The following PCDH7 variants were observed in gnomAD, a reference collection of about 807,000 sequenced individuals.
PCDH7 encodes protocadherin-7.
A neutral mutation model predicts 58.9 loss-of-function variants in PCDH7; 17 were observed. The observed-to-expected ratio is 0.29, with a 90% confidence interval of 0.20 to 0.43. The LOEUF (loss-of-function observed/expected upper bound fraction) is 0.43. Among genes scored for constraint, PCDH7 ranks in the 20% least tolerant of loss-of-function variants. The pLI, the probability that PCDH7 is intolerant of heterozygous loss-of-function variation, is 1.00. For synonymous variants in PCDH7, 664 were observed against 616.4 expected, an observed-to-expected ratio of 1.08 and a Z score of -1.14; for missense variants, 1,274 against 1,441.0, an observed-to-expected ratio of 0.88 and a Z score of 1.88.
chr4:30,821,928 A>G (rs1379249200), intron 1 of PCDH7, among the ~76,000 whole-genome samples: 1 of 152,194 alleles, frequency 6.6e-6, no homozygotes, highest in Non-Finnish European at 1.5e-5. Context: ...GGCACTATTC[A>G]GAACCTTCTG....
At chr4:30,741,396 G>A (rs906341540) in intron 1 of PCDH7, among the ~76,000 whole-genome samples, 6 of 151,072 alleles carry the variant, frequency 4.0e-5, no homozygotes, top group South Asian at 4.2e-4. Flanking sequence ...GTTTCGCCAC[G>A]TTACCCAGGT....
intron 1 of PCDH7, among the ~76,000 whole-genome samples, chr4:30,782,733 C>T (rs1453031100): frequency 1.3e-5 from 2 of 152,114 alleles, no homozygotes; most frequent in Non-Finnish European, 2.9e-5. Flanking sequence ...TATGATTGGA[C>T]AAAAGAGATG....
chr4:30,787,999 A>G (rs1723634159), intron 1 of PCDH7, among the ~76,000 whole-genome samples: 1 of 152,106 alleles, frequency 6.6e-6, no homozygotes, highest in South Asian at 2.1e-4. Flanking sequence ...TTAAATTAAG[A>G]TGATACCAAC....
intron 1 of PCDH7, among the ~76,000 whole-genome samples, chr4:30,799,430 A>G (rs1268655769): frequency 4.6e-5 from 7 of 152,230 alleles, no homozygotes; most frequent in South Asian, 2.1e-4. Flanking sequence ...CACATAACAC[A>G]TCTATGCAAA....
intron 1 of PCDH7, among the ~76,000 whole-genome samples, chr4:30,874,543 G>T (rs895832140): frequency 6.6e-6 from 1 of 151,360 alleles, no homozygotes; most frequent in African/African-American, 2.4e-5. Context: ...ACTGTTGTGG[G>T]GTGGGGGGTG....
intron 3 of PCDH7, among the ~76,000 whole-genome samples, chr4:31,078,308 G>A (rs1333801691): frequency 6.6e-6 from 1 of 152,014 alleles, no homozygotes; most frequent in Non-Finnish European, 1.5e-5. Flanking sequence ...TTTAGAGACA[G>A]GGTGTCGCTC....
chr4:30,800,165 A>T (rs1346338840), intron 1 of PCDH7, among the ~76,000 whole-genome samples: 3 of 151,950 alleles, frequency 2.0e-5, no homozygotes, highest in Non-Finnish European at 4.4e-5. Flanking sequence ...GCGTATGAAT[A>T]TAACTTCTAC....
chr4:31,000,368 TAG>T (rs1752264011), intron 3 of PCDH7, among the ~76,000 whole-genome samples: 1 of 152,140 alleles, frequency 6.6e-6, no homozygotes, highest in African/African-American at 2.4e-5. Flanking sequence ...CACAGACATC[TAG>T]TTTATATCTG....
intron 3 of PCDH7, among the ~76,000 whole-genome samples, chr4:31,020,816 G>A (rs981785741): frequency 3.3e-5 from 5 of 152,130 alleles, no homozygotes; most frequent in African/African-American, 1.2e-4. Context: ...GAGTAATGCA[G>A]GGCTGTATAT....
intron 3 of PCDH7, among the ~76,000 whole-genome samples, chr4:31,025,158 C>T (rs1430379971): frequency 2.6e-5 from 4 of 152,108 alleles, no homozygotes; most frequent in Admixed American, 1.3e-4. Flanking sequence ...TAATGAAACT[C>T]ACAATTCTGT....
chr4:31,025,940 A>G (rs977129323), intron 3 of PCDH7, among the ~76,000 whole-genome samples: 1 of 152,242 alleles, frequency 6.6e-6, no homozygotes, highest in Non-Finnish European at 1.5e-5. Context: ...AATGCTTAAC[A>G]TATAAGACTC....
chr4:30,906,063 C>T (rs1740881332), intron 1 of PCDH7, among the ~76,000 whole-genome samples: 1 of 152,124 alleles, frequency 6.6e-6, no homozygotes. Flanking sequence ...CATTTCTGTG[C>T]TTTCCGTTAA....
intron 3 of PCDH7, among the ~76,000 whole-genome samples, chr4:30,960,179 A>C: frequency 1.1e-5 from 1 of 92,650 alleles, no homozygotes; most frequent in Admixed American, 1.1e-4. Context: ...GGGAGGAAGA[A>C]AGATTTCCTA....
chr4:31,143,354 C>T (rs1720470003), downstream of PCDH7: 1 of 153,086 alleles, frequency 6.5e-6, no homozygotes, highest in African/African-American at 2.4e-5. Flanking sequence ...CAAAGGCAAT[C>T]CTTTGAAAGT....
chr4:30,922,437 T>C (rs969443832), intron 2 of PCDH7, among the ~76,000 whole-genome samples: 2 of 151,838 alleles, frequency 1.3e-5, no homozygotes, highest in African/African-American at 2.4e-5. Flanking sequence ...AATCATTTTT[T>C]AATGTTAGTT....
intron 1 of PCDH7, among the ~76,000 whole-genome samples, chr4:30,835,101 G>T (rs1730313036): frequency 9.9e-5 from 15 of 152,030 alleles, no homozygotes; most frequent in Admixed American, 9.8e-4. Flanking sequence ...ACATCTTCTG[G>T]GGTTTGCTGT....
chr4:30,827,082 A>G (rs1396399191), intron 1 of PCDH7, among the ~76,000 whole-genome samples: 1 of 152,174 alleles, frequency 6.6e-6, no homozygotes, highest in Admixed American at 6.6e-5. Flanking sequence ...AAATGCAAAG[A>G]AAGTCCACAT....
intron 3 of PCDH7, among the ~76,000 whole-genome samples, chr4:31,004,256 CAGAG>C (rs910862117): frequency 6.6e-6 from 1 of 151,950 alleles, no homozygotes; most frequent in Non-Finnish European, 1.5e-5. Context: ...AGACGAGAGA[CAGAG>C]AGAGAAATAC....
chr4:30,862,953 TA>T (rs930612971), intron 1 of PCDH7, among the ~76,000 whole-genome samples: 21 of 149,052 alleles, frequency 1.4e-4, no homozygotes, highest in Admixed American at 4.7e-4. Flanking sequence ...TTAAAGGAAT[TA>T]AAAAAAAAAG....
Sources: allele counts gnomAD v4.1 joint callset (sites outside exome capture counted in the v4.1 genomes callset), GRCh38; gene constraint gnomAD v4.1.1; transcripts MANE v1.5; gene names NCBI Gene and HGNC (gene_info 2026-07-23, HGNC 2026-07-21).